CNTNAP2: variants seen among roughly 807,000 people sequenced by gnomAD.
CNTNAP2 encodes contactin-associated protein-like 2.
CNTNAP2 carries 98 observed loss-of-function variants against 155.2 expected under a neutral mutation model. The observed-to-expected ratio is 0.63, with a 90% CI of 0.54 to 0.75. CNTNAP2 has a LOEUF of 0.75. Among genes scored for constraint, CNTNAP2 ranks in the 30% least tolerant of loss-of-function variants. The pLI, the probability that CNTNAP2 is intolerant of heterozygous loss-of-function variation, is 0.00. For synonymous variants in CNTNAP2, 651 were observed against 631.2 expected (o/e 1.03, Z -0.47); for missense variants, 1,727 against 1,688.1 (o/e 1.02, Z -0.40).
intron 3 of CNTNAP2, among the ~76,000 whole-genome samples, chr7:146,848,531 T>C (rs1299260275): frequency 6.6e-6 from 1 of 152,132 alleles, no homozygotes; most frequent in African/African-American, 2.4e-5. Flanking sequence ...GGTGCTTGCC[T>C]AGGTTGTTTT....
In CNTNAP2 at chr7:147,312,851, T is replaced by C. The variant is rs13309449; in HGVS notation, c.1498+12561T>C. Among the ~76,000 whole-genome samples, 10 of 112,926 alleles carry C rather than the reference T, an allele frequency of 8.9e-5. 1 individual carries two copies. Among genetic ancestry groups the C allele is most frequent in the African/African-American group, 3.3e-4 (8 of 24,050 alleles). 74.1% of individuals were successfully genotyped at this position (112,926 alleles called of 152,430 possible). On this transcript the variant is annotated intron_variant, in intron 9 of 23. Transcript: ENST00000361727. The stretch of plus-strand genomic sequence containing the variant: ...GGAATCGCCACACTGACTTCCACAA[T>C]GGTTGAACTAGTTTACAGTCCCACC...
At chr7:148,055,046 C>A (rs557431160) in intron 15 of CNTNAP2, among the ~76,000 whole-genome samples, 14 of 151,970 alleles carry the variant, frequency 9.2e-5, no homozygotes, top group African/African-American at 3.4e-4. Flanking sequence ...CCACGCCTGG[C>A]TAATTTTTTT....
At chr7:146,328,598 A>G (rs1230115603) in intron 1 of CNTNAP2, among the ~76,000 whole-genome samples, 1 of 152,034 alleles carries the variant, frequency 6.6e-6, no homozygotes, top group African/African-American at 2.4e-5. Context: ...TATACAATAT[A>G]TCATTAACTA....
chr7:146,525,934 G>C (rs1797685960), intron 1 of CNTNAP2, among the ~76,000 whole-genome samples: 1 of 152,140 alleles, frequency 6.6e-6, no homozygotes, highest in Non-Finnish European at 1.5e-5. Context: ...AGCCAATGGA[G>C]CCACACAGTG....
intron 15 of CNTNAP2, among the ~76,000 whole-genome samples, chr7:147,996,686 A>T (rs539150786): frequency 9.3e-4 from 141 of 152,270 alleles, no homozygotes; most frequent in African/African-American, 3.3e-3. Context: ...AAAGAGTAGA[A>T]CTCATTTAAA....
intron 21 of CNTNAP2, among the ~76,000 whole-genome samples, chr7:148,329,936 G>A (rs1053481006): frequency 5.9e-5 from 9 of 152,224 alleles, no homozygotes; most frequent in Middle Eastern, 3.4e-3. Context: ...CCTTACCCCC[G>A]TCTGGCCTGT....
chr7:146,152,465 C>T (rs759680336), intron 1 of CNTNAP2, among the ~76,000 whole-genome samples: 45 of 151,910 alleles, frequency 3.0e-4, no homozygotes, highest in Admixed American at 1.2e-3. Context: ...AACGTGGTAG[C>T]TATAGTTAAC....
chr7:147,670,980 C>A (rs1167684297), intron 13 of CNTNAP2, among the ~76,000 whole-genome samples: 1 of 152,196 alleles, frequency 6.6e-6, no homozygotes, highest in Non-Finnish European at 1.5e-5. Flanking sequence ...TCATGGGCAT[C>A]ACGCCAGACT....
intron 1 of CNTNAP2, among the ~76,000 whole-genome samples, chr7:146,131,749 A>G (rs1470761669): frequency 6.6e-6 from 1 of 152,200 alleles, no homozygotes; most frequent in Non-Finnish European, 1.5e-5. Context: ...TGCATCTGAT[A>G]TGGTTTGGCT....
At chr7:147,188,705 C>T (rs942793927) in intron 8 of CNTNAP2, among the ~76,000 whole-genome samples, 2 of 152,074 alleles carry the variant, frequency 1.3e-5, no homozygotes, top group African/African-American at 4.8e-5. Flanking sequence ...CCACAGGAGT[C>T]ATATGCAGTT....
intron 1 of CNTNAP2, among the ~76,000 whole-genome samples, chr7:146,298,071 G>T (rs1453469404): frequency 6.6e-6 from 1 of 152,164 alleles, no homozygotes; most frequent in Non-Finnish European, 1.5e-5. Flanking sequence ...ATCCTTCTAT[G>T]CTATAAGGAA....
intron 10 of CNTNAP2, among the ~76,000 whole-genome samples, chr7:147,418,637 T>A (rs1797239581): frequency 6.6e-6 from 1 of 152,220 alleles, no homozygotes; most frequent in African/African-American, 2.4e-5. Context: ...CAAGTTCACT[T>A]ATATTATAGC....
chr7:146,399,824 C>A (rs1197420888), intron 1 of CNTNAP2, among the ~76,000 whole-genome samples: 1 of 152,164 alleles, frequency 6.6e-6, no homozygotes, highest in African/African-American at 2.4e-5. Flanking sequence ...CACATTCTTG[C>A]AACTCTTGTT....
At chr7:146,183,628 A>G (rs1798581725) in intron 1 of CNTNAP2, among the ~76,000 whole-genome samples, 1 of 150,630 alleles carries the variant, frequency 6.6e-6, no homozygotes, top group Non-Finnish European at 1.5e-5. Context: ...TAATAATAAT[A>G]ATAATAATAA....
chr7:147,301,839 G>GGCCCTAGGCAATTTACTGACTT (rs1794951419), intron 9 of CNTNAP2, among the ~76,000 whole-genome samples: 1 of 152,122 alleles, frequency 6.6e-6, no homozygotes, highest in Non-Finnish European at 1.5e-5. Context: ...AAACAGAGGA[G>GGCCCTAGGCAATTTACTGACTT]GCCCTAGGCA....
At chr7:146,700,003 A>G in intron 1 of CNTNAP2, among the ~76,000 whole-genome samples, 1 of 152,096 alleles carries the variant, frequency 6.6e-6, no homozygotes, top group South Asian at 2.1e-4. Flanking sequence ...TTCAGGGGGT[A>G]TTTCACAATC....
intron 1 of CNTNAP2, among the ~76,000 whole-genome samples, chr7:146,689,592 G>C (rs1415377474): frequency 6.6e-6 from 1 of 152,036 alleles, no homozygotes; most frequent in Non-Finnish European, 1.5e-5. Context: ...TTTATTATCA[G>C]AAGATTTGCA....
chr7:146,300,621 G>A (rs1800591002), intron 1 of CNTNAP2, among the ~76,000 whole-genome samples: 1 of 151,940 alleles, frequency 6.6e-6, no homozygotes, highest in African/African-American at 2.4e-5. Context: ...TTTTAGGTTG[G>A]CCATATAGTT....
intron 4 of CNTNAP2, among the ~76,000 whole-genome samples, chr7:147,084,548 TAATA>T (rs1563071079): frequency 1.4e-5 from 2 of 145,278 alleles, no homozygotes; most frequent in African/African-American, 5.0e-5. Flanking sequence ...TAATATATAA[TAATA>T]TAATAATATA....
Sources: allele counts gnomAD v4.1 joint callset (sites outside exome capture counted in the v4.1 genomes callset), GRCh38; gene constraint gnomAD v4.1.1; transcripts MANE v1.5; gene names NCBI Gene and HGNC (gene_info 2026-07-23, HGNC 2026-07-21).